Variants in TSHZ3 observed in about 807,000 individuals in gnomAD.
TSHZ3 encodes the protein teashirt zinc finger homeobox 3, also known as teashirt homolog 3.
A neutral mutation model predicts 64.5 loss-of-function variants in TSHZ3; 10 were observed. The observed-to-expected ratio is 0.16, with a 90% CI of 0.10 to 0.26. TSHZ3 has a LOEUF of 0.26. TSHZ3 is among the 10% of genes least tolerant of loss of function. TSHZ3 has a pLI of 1.00. For synonymous variants in TSHZ3, 608 were observed against 593.1 expected, an observed-to-expected ratio of 1.03 and a Z score of -0.36; for missense variants, 1,242 against 1,421.7, an observed-to-expected ratio of 0.87 and a Z score of 2.03.
At chr19:31,330,909 G>C (rs140600617) in intron 1 of TSHZ3, among the ~76,000 whole-genome samples, 2 of 152,124 alleles carry the variant, frequency 1.3e-5, no homozygotes, top group Non-Finnish European at 2.9e-5. Context: ...TGACATGCAT[G>C]CTTGTCCCCC....
chr19:31,208,820 A>G (rs1307592831), intron 4 of TSHZ3, among the ~76,000 whole-genome samples: 1 of 152,114 alleles, frequency 6.6e-6, no homozygotes, highest in Non-Finnish European at 1.5e-5. Flanking sequence ...GATCTTACTT[A>G]CCAACGCTAC....
At chr19:31,285,677 G>A (rs1976447232) in intron 1 of TSHZ3, among the ~76,000 whole-genome samples, 1 of 147,532 alleles carries the variant, frequency 6.8e-6, no homozygotes, top group Admixed American at 6.9e-5. Context: ...CCAGCTACTT[G>A]AGAGGCTGAG....
At chr19:31,230,965 G>A (rs1339562041) in intron 3 of TSHZ3, among the ~76,000 whole-genome samples, 3 of 151,808 alleles carry the variant, frequency 2.0e-5, no homozygotes, top group Non-Finnish European at 2.9e-5. Context: ...GCCTCCCAAA[G>A]TGCTGGGATT....
At chr19:31,257,990 A>T (rs1975934408) in intron 1 of TSHZ3, among the ~76,000 whole-genome samples, 1 of 152,148 alleles carries the variant, frequency 6.6e-6, no homozygotes, top group Non-Finnish European at 1.5e-5. Flanking sequence ...GGAGACAGGG[A>T]GGGGACTGAG....
chr19:31,158,536 T>C (rs1286624253), intron 5 of TSHZ3, among the ~76,000 whole-genome samples: 1 of 152,152 alleles, frequency 6.6e-6, no homozygotes, highest in East Asian at 1.9e-4. Context: ...GCCTTTTTGG[T>C]ACTAGGGACT....
At chr19:31,286,036 C>T (rs574183698) in intron 1 of TSHZ3, among the ~76,000 whole-genome samples, 2 of 152,242 alleles carry the variant, frequency 1.3e-5, no homozygotes, top group South Asian at 4.1e-4. Context: ...ACTGGGCACC[C>T]GCATTCCACG....
intron 5 of TSHZ3, among the ~76,000 whole-genome samples, chr19:31,198,096 G>A (rs181639672): frequency 2.0e-5 from 3 of 152,146 alleles, no homozygotes; most frequent in African/African-American, 7.2e-5. Context: ...AATAAGTATG[G>A]ACCACAGCTG....
chr19:31,201,789 A>G (rs184749434), intron 5 of TSHZ3, among the ~76,000 whole-genome samples: 26 of 152,364 alleles, frequency 1.7e-4, no homozygotes, highest in Admixed American at 1.6e-3. Context: ...AAGTCAGATT[A>G]CAATATTAAA....
At chr19:31,337,031 T>A (rs1344682468) in intron 1 of TSHZ3, among the ~76,000 whole-genome samples, 2 of 140,950 alleles carry the variant, frequency 1.4e-5, no homozygotes, top group East Asian at 4.5e-4. Context: ...TTTTTTTTTT[T>A]ACAGGCAACC....
chr19:31,170,523 A>C (rs952652598), intron 5 of TSHZ3, among the ~76,000 whole-genome samples: 1 of 152,212 alleles, frequency 6.6e-6, no homozygotes, highest in Non-Finnish European at 1.5e-5. Flanking sequence ...TTCTTCCTGC[A>C]GCTAAAGAGA....
At chr19:31,327,461 T>C (rs1184891990) in intron 1 of TSHZ3, among the ~76,000 whole-genome samples, 1 of 152,254 alleles carries the variant, frequency 6.6e-6, no homozygotes, top group African/African-American at 2.4e-5. Context: ...GGATCTGATA[T>C]CTAATGAGAG....
intron 5 of TSHZ3, among the ~76,000 whole-genome samples, chr19:31,188,442 T>C (rs1159838291): frequency 6.6e-6 from 1 of 151,988 alleles, no homozygotes; most frequent in African/African-American, 2.4e-5. Context: ...TTTTTATTGC[T>C]TGTTTTTGAT....
At chr19:31,339,601 G>C (rs551051179) in intron 1 of TSHZ3, among the ~76,000 whole-genome samples, 63 of 152,308 alleles carry the variant, frequency 4.1e-4, no homozygotes, top group Admixed American at 6.5e-4. Context: ...CAGGAGGGAA[G>C]GGTGGGTCAG....
chr19:31,284,602 G>A (rs1040876707), intron 1 of TSHZ3, among the ~76,000 whole-genome samples: 3 of 152,122 alleles, frequency 2.0e-5, no homozygotes, highest in Non-Finnish European at 4.4e-5. Flanking sequence ...TCCTCTGCTG[G>A]AAACCCTGGG....
intron 1 of TSHZ3, among the ~76,000 whole-genome samples, chr19:31,294,488 T>C (rs1976629432): frequency 6.6e-6 from 1 of 152,106 alleles, no homozygotes; most frequent in South Asian, 2.1e-4. Flanking sequence ...AGCTCTCAGT[T>C]AACATGCACC....
In TSHZ3 at chr19:31,208,639, T is replaced by C. The variant is rs76207033; in HGVS notation, n.687-3561A>G. Among the ~76,000 whole-genome samples, 711 of 151,992 alleles carry C rather than the reference T, an allele frequency of 4.7e-3. 2 individuals carry two copies. The highest frequency in any genetic ancestry group is 0.031 in the Middle Eastern group (9 of 294). On this transcript the variant is annotated intron_variant and non_coding_transcript_variant, in intron 4 of 6. Coordinates refer to the TSHZ3 transcript ENST00000651361. ...GGAACTGGAAATAGGATTAGAAGAG[T>C]CATAGCATAATTCCCTGGCACATAG...
intron 4 of TSHZ3, among the ~76,000 whole-genome samples, chr19:31,212,930 A>T (rs1376118240): frequency 6.6e-6 from 1 of 152,200 alleles, no homozygotes; most frequent in East Asian, 1.9e-4. Context: ...TAAAGACAGA[A>T]GCTAACAAGC....
intron 5 of TSHZ3, among the ~76,000 whole-genome samples, chr19:31,174,453 T>C (rs1401857566): frequency 3.3e-5 from 5 of 152,192 alleles, no homozygotes; most frequent in African/African-American, 9.7e-5. Context: ...AGCCTAATAA[T>C]TTAAATGTTA....
At chr19:31,346,641 ACTCT>A (rs981884054) in intron 1 of TSHZ3, among the ~76,000 whole-genome samples, 4 of 151,714 alleles carry the variant, frequency 2.6e-5, no homozygotes, top group Non-Finnish European at 5.9e-5. Flanking sequence ...TCTTTTCCCC[ACTCT>A]CTCTCTCTAT....
Sources: gnomAD v4.1 joint callset for allele counts (sites outside exome capture counted in the v4.1 genomes callset) on GRCh38, gnomAD v4.1.1 for gene constraint, MANE v1.5 for transcripts, NCBI Gene and HGNC (gene_info 2026-07-23, HGNC 2026-07-21) for gene names.